The following STIM1 variants were observed in gnomAD, a reference collection of about 807,000 sequenced individuals.
The protein encoded by STIM1 is stromal interaction molecule 1.
A neutral mutation model predicts 74.7 loss-of-function variants in STIM1; 25 were observed. The ratio of observed to expected loss-of-function variants is 0.33; its 90% CI spans 0.24 to 0.47. STIM1 has a LOEUF of 0.47. Among genes scored for constraint, STIM1 ranks in the 20% least tolerant of loss-of-function variants. The pLI is 1.00. For synonymous variants in STIM1, 328 were observed against 348.8 expected, an observed-to-expected ratio of 0.94 and a Z score of 0.66; for missense variants, 728 against 920.8, an observed-to-expected ratio of 0.79 and a Z score of 2.71.
At chr11:3,996,426 C>T (rs938094662) in intron 2 of STIM1, among the ~76,000 whole-genome samples, 5 of 152,188 alleles carry the variant, frequency 3.3e-5, no homozygotes, top group Non-Finnish European at 7.3e-5. Flanking sequence ...TTAAACGGGA[C>T]AAAAGAGGCC....
Position 3,922,636 on chromosome 11 carries a change from G to A in STIM1, c.140-44916G>A, listed in dbSNP as rs534229273. 11 of 171,450 alleles carry A rather than the reference G, an allele frequency of 6.4e-5. 1 individual carries two copies. In the South Asian group the frequency reaches 6.6e-4, roughly 10 times the overall value. 10.6% of individuals were successfully genotyped at this position (171,450 alleles called of 1,614,324 possible). A position where few individuals can be genotyped will look rare whatever the true frequency, so the allele number is the denominator to read the frequency against. On this transcript the variant is annotated intron_variant, in intron 1 of 12. Transcript: ENST00000526596. Reference sequence around the variant, plus strand: ...CTTCACAAAGGGAGGGAAAGCAAACGTGGTGAGGCACCCTTTCCATTCCAG... The same window carrying A: ...CTTCACAAAGGGAGGGAAAGCAAACATGGTGAGGCACCCTTTCCATTCCAG...
chr11:4,040,623 T>C (rs2094140634), intron 3 of STIM1, among the ~76,000 whole-genome samples: 1 of 152,244 alleles, frequency 6.6e-6, no homozygotes, highest in African/African-American at 2.4e-5. Context: ...ATTTTATCTC[T>C]TAATACTTAG....
At chr11:4,018,049 T>G (rs2093915580) in intron 2 of STIM1, among the ~76,000 whole-genome samples, 1 of 152,222 alleles carries the variant, frequency 6.6e-6, no homozygotes. Flanking sequence ...GGTGCATGGC[T>G]CACGCCTATA....
intron 1 of STIM1, chr11:3,892,878 G>C: frequency 6.4e-7 from 1 of 1,559,766 alleles, no homozygotes; most frequent in Admixed American, 1.7e-5. Context: ...AACACGGTGG[G>C]GTTAACCACG....
At position 3,856,206 on chromosome 11, in the gene STIM1, C is replaced by T. The variant is rs117982546; in HGVS notation, c.-65C>T. The T allele has an allele frequency of 2.5e-3, 4,034 of 1,610,064 alleles. 6 individuals carry two copies. Among genetic ancestry groups the T allele is most frequent in the Non-Finnish European group, 2.9e-3 (3,400 of 1,178,186 alleles). On this transcript the variant is annotated 5_prime_UTR_variant, in exon 1 of 13. Transcript: ENST00000526596. Reference sequence around the variant, plus strand: ...AGACCGTCGGCTGCACTCCCGGGCTCCTGGCTTTGCCTCTGGGATCCCGAG... The same window carrying T: ...AGACCGTCGGCTGCACTCCCGGGCTTCTGGCTTTGCCTCTGGGATCCCGAG...
At chr11:3,994,080 GTT>G (rs1325995192) in intron 2 of STIM1, among the ~76,000 whole-genome samples, 2 of 152,098 alleles carry the variant, frequency 1.3e-5, no homozygotes, top group East Asian at 3.9e-4. Flanking sequence ...TTTTCTCAGT[GTT>G]TGTTTATCTG....
chr11:3,863,038 G>A (rs1307249987), intron 1 of STIM1, among the ~76,000 whole-genome samples: 1 of 150,046 alleles, frequency 6.7e-6, no homozygotes, highest in Non-Finnish European at 1.5e-5. Flanking sequence ...GATTACAGGT[G>A]CCCGCCACCA....
chr11:3,925,294 C>G (rs1305734005), intron 1 of STIM1, among the ~76,000 whole-genome samples: 3 of 152,202 alleles, frequency 2.0e-5, no homozygotes, highest in African/African-American at 4.8e-5. Flanking sequence ...ACTCAGGAGG[C>G]TGATGCAGGA....
chr11:3,954,092 T>C (rs947594651), intron 1 of STIM1, among the ~76,000 whole-genome samples: 1 of 152,102 alleles, frequency 6.6e-6, no homozygotes, highest in African/African-American at 2.4e-5. Flanking sequence ...TCTGATCTTT[T>C]AATAAGTCAA....
intron 2 of STIM1, among the ~76,000 whole-genome samples, chr11:3,971,829 G>A (rs1392304147): frequency 6.6e-6 from 1 of 152,100 alleles, no homozygotes; most frequent in Non-Finnish European, 1.5e-5. Flanking sequence ...TTCCATATTG[G>A]CCACCTCAAA....
chr11:4,062,295 T>G (rs969753170), intron 5 of STIM1, among the ~76,000 whole-genome samples: 7 of 152,154 alleles, frequency 4.6e-5, no homozygotes, highest in Non-Finnish European at 8.8e-5. Flanking sequence ...TGGCAAACAT[T>G]TTTCTGACAA....
chr11:3,859,574 A>G (rs1056448542), intron 1 of STIM1, among the ~76,000 whole-genome samples: 1 of 152,220 alleles, frequency 6.6e-6, no homozygotes, highest in African/African-American at 2.4e-5. Context: ...AGTTCAGTGT[A>G]GCTAGGACAG....
At chr11:4,045,819 G>A (rs2094188154) in intron 3 of STIM1, among the ~76,000 whole-genome samples, 1 of 138,302 alleles carries the variant, frequency 7.2e-6, no homozygotes, top group African/African-American at 2.7e-5. Flanking sequence ...AGGCTGGAGT[G>A]CAGTGGTGAG....
intron 1 of STIM1, among the ~76,000 whole-genome samples, chr11:3,949,369 T>C (rs1482784558): frequency 6.6e-6 from 1 of 152,132 alleles, no homozygotes; most frequent in Non-Finnish European, 1.5e-5. Flanking sequence ...GTAGGGTATA[T>C]GTGAGCTGGT....
intron 6 of STIM1, among the ~76,000 whole-genome samples, chr11:4,071,204 T>G (rs931774092): frequency 1.3e-5 from 2 of 152,078 alleles, no homozygotes; most frequent in East Asian, 3.9e-4. Flanking sequence ...TTTTTTTGGT[T>G]GTTTTGTTTT....
rs1180505665 is a variant in STIM1 at position 4,093,007 on chromosome 11, A to G, written c.*1209A>G. The G allele has an allele frequency of 1.4e-5, 2 of 143,518 alleles. No homozygotes were observed. Among genetic ancestry groups the G allele is most frequent in the Admixed American group, 7.0e-5 (1 of 14,236 alleles). 8.9% of individuals were successfully genotyped at this position (143,518 alleles called of 1,614,324 possible). A position where few individuals can be genotyped will look rare whatever the true frequency, so the allele number is the denominator to read the frequency against. On this transcript the variant is annotated 3_prime_UTR_variant, in exon 13 of 13. Transcript: ENST00000526596. ...CTGTTTTTGCTATGGCTGTAAAGGT[A>G]TTTTTCCTCTGCCCCACTCCCTGCC...
intron 2 of STIM1, among the ~76,000 whole-genome samples, chr11:3,994,029 C>T (rs2135866988): frequency 6.6e-6 from 1 of 152,172 alleles, no homozygotes; most frequent in Middle Eastern, 3.4e-3. Context: ...TAAAGAGCTT[C>T]CTTTAGTATT....
chr11:4,045,842 T>C, intron 3 of STIM1, among the ~76,000 whole-genome samples: 1 of 144,766 alleles, frequency 6.9e-6, no homozygotes, highest in East Asian at 2.1e-4. Flanking sequence ...CTCAGCTCAC[T>C]GCAGCCCTCC....
intron 2 of STIM1, among the ~76,000 whole-genome samples, chr11:4,001,446 A>T (rs1247378841): frequency 6.6e-6 from 1 of 152,176 alleles, no homozygotes; most frequent in South Asian, 2.1e-4. Flanking sequence ...ATTCTTAAAG[A>T]AAAGAATTTT....
Sources: gnomAD v4.1 joint callset for allele counts (sites outside exome capture counted in the v4.1 genomes callset) on GRCh38, gnomAD v4.1.1 for gene constraint, MANE v1.5 for transcripts, NCBI Gene and HGNC (gene_info 2026-07-23, HGNC 2026-07-21) for gene names.